SLC25A21: variants seen among roughly 807,000 people sequenced by gnomAD.
The protein encoded by SLC25A21 is mitochondrial 2-oxodicarboxylate carrier.
A neutral mutation model predicts 43.8 loss-of-function variants in SLC25A21; 47 were observed. The ratio of observed to expected loss-of-function variants is 1.07; its 90% CI spans 0.85 to 1.37. The LOEUF (loss-of-function observed/expected upper bound fraction) is 1.37. SLC25A21 is among the 40% of genes most tolerant of loss of function. The pLI is 0.00. For synonymous variants in SLC25A21, 131 were observed against 121.3 expected, an observed-to-expected ratio of 1.08 and a Z score of -0.52; for missense variants, 352 against 350.2, an observed-to-expected ratio of 1.00 and a Z score of -0.04.
intron 1 of SLC25A21, among the ~76,000 whole-genome samples, chr14:36,891,409 T>C (rs1262186799): frequency 6.6e-6 from 1 of 152,146 alleles, no homozygotes. Context: ...GTGACTGGAT[T>C]TAGCTACCAG....
chr14:37,003,169 T>C (rs1238845567), intron 1 of SLC25A21, among the ~76,000 whole-genome samples: 1 of 152,126 alleles, frequency 6.6e-6, no homozygotes, highest in Non-Finnish European at 1.5e-5. Flanking sequence ...TTAGGCACAG[T>C]AAGAAATTGA....
intron 3 of SLC25A21, among the ~76,000 whole-genome samples, chr14:36,754,237 C>T (rs1885837429): frequency 6.6e-6 from 1 of 152,056 alleles, no homozygotes. Flanking sequence ...AGTTGAAGGC[C>T]TGAGTAGAAC....
At chr14:36,976,568 G>C (rs1297504084) in intron 1 of SLC25A21, among the ~76,000 whole-genome samples, 1 of 152,040 alleles carries the variant, frequency 6.6e-6, no homozygotes, top group Non-Finnish European at 1.5e-5. Context: ...CAAATGCAAA[G>C]TGCCTGTGCA....
At position 37,141,509 on chromosome 14, in the gene SLC25A21, A is replaced by T. The variant is rs991413123; in HGVS notation, c.70+30772T>A. 4.7e-4 allele frequency among the ~76,000 whole-genome samples: 67 copies of T among 141,832 alleles called. No individual in the cohort carries two copies. The East Asian group carries it at 9.6e-3, about 20-fold the overall frequency. 93.0% of individuals were successfully genotyped at this position (141,832 alleles called of 152,430 possible). ...ATTTCTTTCAATTAACTGCGTTTTTAAAAAAAAAACTGAAATATAAAAATA... is the reference window on the plus strand; with the variant it reads ...ATTTCTTTCAATTAACTGCGTTTTTTAAAAAAAAACTGAAATATAAAAATA... On this transcript the variant is annotated intron_variant, in intron 1 of 9. Coordinates refer to ENST00000331299, the MANE Select transcript of SLC25A21 (RefSeq NM_030631.4).
chr14:36,776,230 CTTTCTTTCTTTTTTT>C (rs1886820856), intron 3 of SLC25A21, among the ~76,000 whole-genome samples: 1 of 70,842 alleles, frequency 1.4e-5, no homozygotes, highest in Non-Finnish European at 2.5e-5. Flanking sequence ...CTTTTTCTTT[CTTTCTTTCTTTTTTT>C]TTTTTTTTTG....
At chr14:36,931,596 T>C (rs539026407) in intron 1 of SLC25A21, among the ~76,000 whole-genome samples, 1 of 152,060 alleles carries the variant, frequency 6.6e-6, no homozygotes, top group East Asian at 1.9e-4. Flanking sequence ...TGGGGAGCCA[T>C]TCAAAGATTT....
At chr14:36,710,086 G>C (rs184279667) in intron 7 of SLC25A21, among the ~76,000 whole-genome samples, 1 of 152,118 alleles carries the variant, frequency 6.6e-6, no homozygotes, top group African/African-American at 2.4e-5. Flanking sequence ...TGATTATTTA[G>C]AAATAAGGTC....
chr14:37,119,168 GA>G (rs1566894426), intron 1 of SLC25A21, among the ~76,000 whole-genome samples: 1 of 152,072 alleles, frequency 6.6e-6, no homozygotes, highest in Admixed American at 6.5e-5. Flanking sequence ...CTAGATGGTC[GA>G]AAAAGGAGAA....
At chr14:37,142,485 C>G (rs1194224294) in intron 1 of SLC25A21, among the ~76,000 whole-genome samples, 1 of 152,186 alleles carries the variant, frequency 6.6e-6, no homozygotes, top group Non-Finnish European at 1.5e-5. Flanking sequence ...CTCAGCCTCT[C>G]AAGTAGCTGG....
At chr14:36,976,285 A>G (rs10483479) in intron 1 of SLC25A21, among the ~76,000 whole-genome samples, 47,529 of 152,004 alleles carry the variant, frequency 0.31, 7,858 homozygotes, top group South Asian at 0.4. Context: ...CATACACGTT[A>G]TAGGAGAACA....
At chr14:36,951,634 A>C (rs1892813897) in intron 1 of SLC25A21, among the ~76,000 whole-genome samples, 1 of 152,186 alleles carries the variant, frequency 6.6e-6, no homozygotes, top group Non-Finnish European at 1.5e-5. Context: ...AGCATCAACA[A>C]ATAATTTAAA....
intron 2 of SLC25A21, among the ~76,000 whole-genome samples, chr14:36,854,942 G>T (rs1334457274): frequency 1.4e-5 from 2 of 146,606 alleles, no homozygotes; most frequent in Non-Finnish European, 3.0e-5. Context: ...GTGGGGGGGG[G>T]TATTCTGCCA....
chr14:36,796,413 CTCTT>C (rs1172236357), intron 3 of SLC25A21, among the ~76,000 whole-genome samples: 7 of 150,334 alleles, frequency 4.7e-5, no homozygotes, highest in Non-Finnish European at 8.9e-5. Flanking sequence ...TTCTTTCTCT[CTCTT>C]TCTTTTTTTT....
At chr14:36,808,591 T>G (rs1414971190) in intron 3 of SLC25A21, among the ~76,000 whole-genome samples, 2 of 152,184 alleles carry the variant, frequency 1.3e-5, no homozygotes, top group African/African-American at 2.4e-5. Flanking sequence ...ATAACAAAAT[T>G]TGATCCTCAG....
intron 4 of SLC25A21, 106 bp downstream of exon 4, chr14:36,734,401 T>A: frequency 1.4e-6 from 1 of 702,652 alleles, no homozygotes; most frequent in Non-Finnish European, 2.1e-6. Flanking sequence ...TGCATTAAAA[T>A]TTTTAGTGCT....
At chr14:36,874,322 A>G (rs1300328827) in intron 2 of SLC25A21, among the ~76,000 whole-genome samples, 1 of 152,240 alleles carries the variant, frequency 6.6e-6, no homozygotes, top group East Asian at 1.9e-4. Flanking sequence ...CCAATTTGAA[A>G]AAATAGAAAG....
At chr14:36,709,259 G>T (rs962666030) in intron 7 of SLC25A21, among the ~76,000 whole-genome samples, 1 of 152,152 alleles carries the variant, frequency 6.6e-6, no homozygotes, top group Non-Finnish European at 1.5e-5. Context: ...GTTGTGTGGG[G>T]CCTGCATTTA....
chr14:36,687,384 C>T (rs779156052), intron 7 of SLC25A21, among the ~76,000 whole-genome samples: 38 of 152,252 alleles, frequency 2.5e-4, no homozygotes, highest in Middle Eastern at 3.4e-3. Context: ...AGACCCATCT[C>T]GGGGGTGAGA....
At chr14:36,872,255 G>T (rs975877933) in intron 2 of SLC25A21, among the ~76,000 whole-genome samples, 1 of 152,020 alleles carries the variant, frequency 6.6e-6, no homozygotes, top group African/African-American at 2.4e-5. Context: ...TCTACTTTTT[G>T]GAGTCAAGTC....
Sources: allele counts gnomAD v4.1 joint callset (sites outside exome capture counted in the v4.1 genomes callset), GRCh38; gene constraint gnomAD v4.1.1; transcripts MANE v1.5; gene names NCBI Gene and HGNC (gene_info 2026-07-23, HGNC 2026-07-21).